Variants in RSPH14 observed in about 807,000 individuals in gnomAD.
The protein encoded by RSPH14 is radial spoke head 14 homolog, also known as rhabdoid tumor deletion region gene 1.
A neutral mutation model predicts 26.7 loss-of-function variants in RSPH14; 20 were observed. That is an observed-to-expected ratio of 0.75 (90% CI 0.53 to 1.09). The LOEUF is 1.09. Ranked by LOEUF, RSPH14 falls within the 50% of genes least tolerant of loss-of-function variation. The pLI is 0.00. For missense variants in RSPH14, 449 were observed against 457.2 expected, an observed-to-expected ratio of 0.98 and a Z score of 0.16; for synonymous variants, 177 against 189.3, an observed-to-expected ratio of 0.93 and a Z score of 0.53.
intron 4 of RSPH14, among the ~76,000 whole-genome samples, chr22:23,077,029 A>G (rs2068523569): frequency 6.6e-6 from 1 of 152,228 alleles, no homozygotes; most frequent in Non-Finnish European, 1.5e-5. Context: ...CGTCCAAAGC[A>G]TGCTGTGCTG....
rs145386438 is a variant in RSPH14, at chr22:23,119,409, G to A, written c.421+14617C>T. Among the ~76,000 whole-genome samples, 211 of 152,274 alleles carry A rather than the reference G, an allele frequency of 1.4e-3. 1 individual carries two copies. The highest frequency in any genetic ancestry group is 0.01 in the Middle Eastern group (3 of 294). On this transcript the variant is annotated intron_variant, in intron 4 of 6. Transcript: ENST00000216036. ...TGGTCAGGGTCCTGACTTTGTAACC[G>A]TCTGTGGTTCTTCAGCCTCCCGCTC...
chr22:23,145,401 C>G, upstream of RSPH14: 1 of 1,609,498 alleles, frequency 6.2e-7, no homozygotes, highest in Non-Finnish European at 8.5e-7. Context: ...TGCTTGGACG[C>G]GCCGCTGCCA....
chr22:23,142,057 G>A, upstream of RSPH14: 3 of 985,328 alleles, frequency 3.0e-6, no homozygotes, highest in Non-Finnish European at 3.6e-6. Flanking sequence ...GCGGCGCCGC[G>A]GTCGACATAA....
chr22:23,145,160 C>A (rs975956624), upstream of RSPH14: 22 of 595,988 alleles, frequency 3.7e-5, no homozygotes, highest in Non-Finnish European at 6.3e-5. Context: ...CCTCTCCCAG[C>A]CGAGCTGATC....
chr22:23,111,236 G>A (rs2069647891), intron 4 of RSPH14, among the ~76,000 whole-genome samples: 1 of 152,222 alleles, frequency 6.6e-6, no homozygotes, highest in Admixed American at 6.5e-5. Flanking sequence ...TGCATCCTAA[G>A]CTCCTGAGGA....
At chr22:23,100,922 C>G (rs1022846452) in intron 4 of RSPH14, among the ~76,000 whole-genome samples, 5 of 152,200 alleles carry the variant, frequency 3.3e-5, no homozygotes, top group African/African-American at 9.7e-5. Flanking sequence ...CACCCTAGCG[C>G]TGTGGTTTAT....
At chr22:23,125,790 T>A (rs1180955985) in intron 4 of RSPH14, among the ~76,000 whole-genome samples, 1 of 152,196 alleles carries the variant, frequency 6.6e-6, no homozygotes, top group Non-Finnish European at 1.5e-5. Flanking sequence ...TTCCTCCTGC[T>A]GGAGTCCTTG....
chr22:23,091,936 C>T (rs1311663878), intron 4 of RSPH14, among the ~76,000 whole-genome samples: 3 of 152,114 alleles, frequency 2.0e-5, no homozygotes, highest in Non-Finnish European at 4.4e-5. Context: ...TTGTCCCTTT[C>T]ATCCCTAACA....
Position 23,140,404 on chromosome 22 carries a change from T to A in RSPH14, c.17A>T (p.Asn6Ile). 2 of 1,613,902 alleles carry A rather than the reference T, an allele frequency of 1.2e-6. No homozygotes were observed. Among genetic ancestry groups the A allele is most frequent in the South Asian group, 1.1e-5 (1 of 91,048 alleles). The change falls in exon 2 of 7, where the codon AAC becomes ATC. Residue 6 changes from asparagine (N) to isoleucine (I), a missense_variant. Asn to Ile is a moderately radical substitution (Grantham distance 149). Coordinates refer to ENST00000216036, the MANE Select transcript of RSPH14 (RefSeq NM_014433.3). MAHSQ[N>I]SLELPININA... ...GATGTTAATGGGAAGCTCCAAGGAG[T>A]TCTGGGAATGGGCCATCTTTCCCCA... is the stretch of plus-strand genomic sequence containing the variant.
rs112710839 is a variant in RSPH14, at chr22:23,067,854, A to G, written c.422-3721T>C. 7.7e-3 allele frequency among the ~76,000 whole-genome samples: 1,165 copies of G among 152,210 alleles called. 16 individuals are homozygous for G. The highest frequency in any genetic ancestry group is 0.026 in the African/African-American group (1,082 of 41,506). Reference sequence around the variant, plus strand: ...ATCTCACAGCCACAGCAGACCGTACACTGAACTCAGCCTCACAGACTGACT... The same window carrying G: ...ATCTCACAGCCACAGCAGACCGTACGCTGAACTCAGCCTCACAGACTGACT... On this transcript the variant is annotated intron_variant, in intron 4 of 6. Coordinates refer to ENST00000216036, the MANE Select transcript of RSPH14 (RefSeq NM_014433.3).
chr22:23,102,134 T>G (rs1014576271), intron 4 of RSPH14, among the ~76,000 whole-genome samples: 1 of 152,218 alleles, frequency 6.6e-6, no homozygotes, highest in Non-Finnish European at 1.5e-5. Context: ...CAAGTTCCCT[T>G]GCCTCATTGC....
the RSPH14 span, chr22:23,161,732 C>T: frequency 8.1e-6 from 5 of 617,908 alleles, no homozygotes; most frequent in South Asian, 9.8e-5. Context: ...AGGGCACAGT[C>T]ACTTGTCCGT....
chr22:23,132,569 T>C (rs56369240), intron 4 of RSPH14, among the ~76,000 whole-genome samples: 17,277 of 151,498 alleles, frequency 0.11, 1,191 homozygotes, highest in South Asian at 0.16. Context: ...CAGGGAAATA[T>C]AAATTAAAAC....
upstream of RSPH14, chr22:23,145,497 C>T (rs1265293527): frequency 1.7e-5 from 28 of 1,607,484 alleles, no homozygotes; most frequent in Non-Finnish European, 2.4e-5. Context: ...TGATCGCCGC[C>T]GCTGGCTCAG....
upstream of RSPH14, among the ~76,000 whole-genome samples, chr22:23,148,490 C>G (rs79928005): frequency 1.3e-5 from 2 of 152,114 alleles, no homozygotes; most frequent in Non-Finnish European, 1.5e-5. Flanking sequence ...TTGACCTGGC[C>G]GTGTCTGGCT....
At chr22:23,089,279 C>T (rs552561098) in intron 4 of RSPH14, among the ~76,000 whole-genome samples, 65 of 152,302 alleles carry the variant, frequency 4.3e-4, no homozygotes, top group African/African-American at 1.4e-3. Flanking sequence ...CTGCCTCAGC[C>T]GGGGGCACTG....
At chr22:23,131,439 A>T (rs1040086116) in intron 4 of RSPH14, 5 of 363,306 alleles carry the variant, frequency 1.4e-5, no homozygotes, top group African/African-American at 4.3e-5. Flanking sequence ...GGGTGCTTGG[A>T]CTGTACCTAT....
rs575889312 is a variant in RSPH14 at position 23,082,073 on chromosome 22, C to T, written c.422-17940G>A. On this transcript the variant is annotated intron_variant, in intron 4 of 6. Coordinates refer to ENST00000216036, the MANE Select transcript of RSPH14 (RefSeq NM_014433.3). The stretch of plus-strand genomic sequence containing the variant: ...CCAGGACGCGGAGCTTGCAGTGAGC[C>T]GAGATCGTGCCGCTGCACTCCAGCC... Among the ~76,000 whole-genome samples the T allele has an allele frequency of 4.8e-3, 707 of 147,126 alleles. 5 individuals are homozygous for T. Among genetic ancestry groups the T allele is most frequent in the Non-Finnish European group, 6.4e-3 (426 of 66,966 alleles).
At chr22:23,069,597 T>A (rs930967134) in intron 4 of RSPH14, among the ~76,000 whole-genome samples, 1 of 152,194 alleles carries the variant, frequency 6.6e-6, no homozygotes, top group Non-Finnish European at 1.5e-5. Flanking sequence ...CTCACGCTTG[T>A]CTGGGCTGGG....
Sources: allele counts gnomAD v4.1 joint callset (sites outside exome capture counted in the v4.1 genomes callset), GRCh38; gene constraint gnomAD v4.1.1; transcripts MANE v1.5; gene names NCBI Gene and HGNC (gene_info 2026-07-23, HGNC 2026-07-21).